Variants in SORL1 observed in about 807,000 individuals in gnomAD.
SORL1 encodes sortilin-related receptor.
In SORL1, 127 loss-of-function variants were observed where a neutral mutation model predicts 273.7. That is an observed-to-expected ratio of 0.46 (90% CI 0.40 to 0.54). SORL1 has a LOEUF of 0.54. SORL1 is among the 20% of genes least tolerant of loss of function. The pLI is 0.00. For synonymous variants in SORL1, 1,031 were observed against 1,067.4 expected (o/e 0.97, Z 0.66); for missense variants, 2,494 against 2,846.1 (o/e 0.88, Z 2.81).
chr11:121,587,941 C>T (rs550794916), intron 27 of SORL1, 79 bp from the exon 28 acceptor site: 15 of 1,562,372 alleles, frequency 9.6e-6, no homozygotes, highest in Middle Eastern at 1.8e-4. Context: ...CATCTGTACT[C>T]GTGTGCACTT....
intron 3 of SORL1, among the ~76,000 whole-genome samples, chr11:121,482,125 T>C (rs1861399992): frequency 1.3e-5 from 2 of 152,038 alleles, no homozygotes; most frequent in African/African-American, 4.8e-5. Flanking sequence ...ACAGGACAGA[T>C]GATGTTTTGG....
chr11:121,607,202 G>A lies in SORL1; in HGVS notation c.5078G>A (p.Ser1693Asn). The A allele has an allele frequency of 6.2e-7, 1 of 1,608,714 alleles. No individual in the cohort carries two copies. The highest frequency in any genetic ancestry group is 8.5e-7 in the Non-Finnish European group (1 of 1,175,100). Reference protein sequence around the residue: ...IREYIVEYSRSGSKMWASQRA... With the variant: ...IREYIVEYSRNGSKMWASQRA... ...TCCCTTTAGGTAGAATACAGCAGGA[G>A]TGGTTCCAAGATGTGGGCCTCCCAG... is the stretch of plus-strand genomic sequence containing the variant. Residue 1693 changes from serine (S) to asparagine (N), a missense_variant, in exon 37 of 48, where the codon AGT becomes AAT. Physicochemically the swap from Ser to Asn is conservative, Grantham distance 46. This residue lies in a region of SORL1 where 1,609 missense variants were observed against 1,816.4 expected (regional missense o/e 0.89). Coordinates refer to ENST00000260197, the MANE Select transcript of SORL1 (RefSeq NM_003105.6).
chr11:121,618,647 A>C, intron 41 of SORL1, 127 bp from the exon 42 acceptor site: 1 of 1,131,150 alleles, frequency 8.8e-7, no homozygotes, highest in Non-Finnish European at 1.3e-6. Flanking sequence ...AAATGTAATA[A>C]ATGTTGAATG....
intron 4 of SORL1, among the ~76,000 whole-genome samples, chr11:121,489,476 A>G (rs1861519869): frequency 6.6e-6 from 1 of 152,070 alleles, no homozygotes; most frequent in Non-Finnish European, 1.5e-5. Flanking sequence ...AATTAATACT[A>G]TTTGTCACTT....
chr11:121,574,904 T>A (rs1037364761), intron 24 of SORL1, among the ~76,000 whole-genome samples: 1 of 152,152 alleles, frequency 6.6e-6, no homozygotes, highest in Non-Finnish European at 1.5e-5. Flanking sequence ...TCAGTGGGTG[T>A]GAGATTAGCC....
chr11:121,522,571 A>AC lies in SORL1; in HGVS notation c.1405-14dup. On this transcript the variant is annotated splice_polypyrimidine_tract_variant and intron_variant, in intron 9 of 47. Coordinates refer to ENST00000260197, the MANE Select transcript of SORL1 (RefSeq NM_003105.6). The stretch of plus-strand genomic sequence containing the variant: ...GTATCATGTGCTGACACTGCCTGAA[A>AC]CTTTGGTTGTATAGCTTTCCCAGGG... 3 of 1,597,382 alleles carry AC rather than the reference A, an allele frequency of 1.9e-6. No homozygotes were observed. The Middle Eastern group carries it at 5.0e-4, about 265-fold the overall frequency.
intron 41 of SORL1, among the ~76,000 whole-genome samples, chr11:121,617,719 C>A (rs907921463): frequency 1.3e-5 from 2 of 152,200 alleles, no homozygotes; most frequent in African/African-American, 4.8e-5. Flanking sequence ...CCTCAGCTCC[C>A]ACCCTCCAGT....
chr11:121,520,930 T>A, intron 9 of SORL1, 81 bp downstream of exon 9: 1 of 957,336 alleles, frequency 1.0e-6, no homozygotes, highest in Non-Finnish European at 1.5e-6. Context: ...TGTCTAGTAT[T>A]TATTGAAAAA....
chr11:121,577,300 T>A lies in SORL1; in HGVS notation c.3480T>A (p.Ser1160Arg), dbSNP rs149532908. The change falls in exon 25 of 48, where the codon AGT becomes AGA. Residue 1160 changes from serine to arginine, a missense_variant. Physicochemically the swap from Ser to Arg is moderately radical, Grantham distance 110. Transcript: ENST00000260197. ...CTGCAGAAATGCACCAGTGCCGGAG[T>A]GACGAGTACAACTGCAGTTCCGGCA... ...ESHCEMHQCR[S>R]DEYNCSSGMC... 6.2e-7 allele frequency: 1 copy of A among 1,609,124 alleles called. No homozygotes were observed. The highest frequency in any genetic ancestry group is 8.5e-7 in the Non-Finnish European group (1 of 1,177,726).
intron 23 of SORL1, among the ~76,000 whole-genome samples, chr11:121,571,671 A>G (rs889068216): frequency 2.0e-5 from 3 of 152,254 alleles, no homozygotes; most frequent in Non-Finnish European, 4.4e-5. Flanking sequence ...CTTCACCCAG[A>G]AAGCAACTTG....
Position 121,632,922 on chromosome 11 carries a change from C to A in SORL1, c.*3359C>A, listed in dbSNP as rs1308458314. ...GTCCCTTAGAGAAGGCATCCAGAGA[C>A]ATAACTAAACTGAATATCATCCCAT... On this transcript the variant is annotated 3_prime_UTR_variant, in exon 48 of 48. Transcript: ENST00000260197. The A allele has an allele frequency of 6.6e-6, 1 of 152,138 alleles. No individual in the cohort carries two copies. Among genetic ancestry groups the A allele is most frequent in the Non-Finnish European group, 1.5e-5 (1 of 68,022 alleles). 9.4% of individuals were successfully genotyped at this position (152,138 alleles called of 1,614,324 possible).
In SORL1 at chr11:121,629,679, A is replaced by G; in HGVS notation, c.*116A>G. ...GCAATATGTTATTTTTATATGGGCC[A>G]AAAACAAAAAACAAAAAAAAAAAAA... On this transcript the variant is annotated 3_prime_UTR_variant, in exon 48 of 48. Coordinates refer to ENST00000260197, the MANE Select transcript of SORL1 (RefSeq NM_003105.6). 3.4e-6 allele frequency: 2 copies of G among 595,952 alleles called. No homozygotes were observed. Among genetic ancestry groups the G allele is most frequent in the South Asian group, 2.1e-5 (1 of 48,290 alleles). 36.9% of individuals were successfully genotyped at this position (595,952 alleles called of 1,614,324 possible).
chr11:121,614,416 G>A (rs1450574663), intron 40 of SORL1: 1 of 162,454 alleles, frequency 6.2e-6, no homozygotes, highest in African/African-American at 2.4e-5. Flanking sequence ...TGCCTGCACA[G>A]TAGTTGATGG....
At chr11:121,612,473 C>T in intron 39 of SORL1, 2 of 309,022 alleles carry the variant, frequency 6.5e-6, no homozygotes, top group South Asian at 4.2e-5. Context: ...TCCTTTTATT[C>T]TTCATTCACT....
chr11:121,594,000 A>T (rs1005417074), intron 31 of SORL1, among the ~76,000 whole-genome samples: 1 of 152,140 alleles, frequency 6.6e-6, no homozygotes, highest in Non-Finnish European at 1.5e-5. Flanking sequence ...CTTAATTGAT[A>T]GTTGGGCTGG....
chr11:121,574,849 A>G (rs1481188164), intron 24 of SORL1, among the ~76,000 whole-genome samples: 2 of 152,124 alleles, frequency 1.3e-5, no homozygotes, highest in Non-Finnish European at 1.5e-5. Context: ...TTTCTGAATG[A>G]ATTCAGGGGG....
Position 121,513,058 on chromosome 11 carries a change from G to T in SORL1, c.995G>T (p.Arg332Leu). ...GTCCAGCTCTGGGTCTCCTTTGGCC[G>T]GAAGCCCATGAGAGCAGCCCAGTTT... ...SSVQLWVSFGRKPMRAAQFVT... is the reference protein window; with the variant it reads ...SSVQLWVSFGLKPMRAAQFVT... Residue 332 changes from arginine to leucine, a missense_variant, in exon 7 of 48, where the codon CGG (arginine) becomes CTG (leucine). Coordinates refer to ENST00000260197, the MANE Select transcript of SORL1 (RefSeq NM_003105.6). 1 of 1,614,038 alleles carries T rather than the reference G, an allele frequency of 6.2e-7. No individual in the cohort carries two copies. The highest frequency in any genetic ancestry group is 8.5e-7 in the Non-Finnish European group (1 of 1,179,932).
chr11:121,589,207 A>T, intron 28 of SORL1, 52 bp from the exon 29 acceptor site: 4 of 1,604,940 alleles, frequency 2.5e-6, no homozygotes, highest in Non-Finnish European at 3.4e-6. Flanking sequence ...TGCTGCTTCG[A>T]CCCCTCAGCA....
chr11:121,491,370 A>G (rs1336990431), intron 5 of SORL1, among the ~76,000 whole-genome samples: 3 of 152,228 alleles, frequency 2.0e-5, no homozygotes, highest in Non-Finnish European at 4.4e-5. Context: ...ATAAAGTAGT[A>G]TAGGATCTTG....
Sources: gnomAD v4.1 joint callset for allele counts (sites outside exome capture counted in the v4.1 genomes callset) on GRCh38, gnomAD v4.1.1 for gene constraint, gnomAD v4.1.1 regional missense constraint, MANE v1.5 for transcripts, NCBI Gene and HGNC (gene_info 2026-07-23, HGNC 2026-07-21) for gene names.